Variants in CLOCK observed in about 807,000 individuals in gnomAD.
CLOCK encodes the protein clock circadian regulator, also known as circadian locomoter output cycles protein kaput.
In CLOCK, 43 loss-of-function variants were observed where a neutral mutation model predicts 118.4. That is an observed-to-expected ratio of 0.36 (90% CI 0.28 to 0.47). The LOEUF is 0.47. Among genes scored for constraint, CLOCK ranks in the 20% least tolerant of loss-of-function variants. CLOCK has a pLI of 1.00. For synonymous variants in CLOCK, 326 were observed against 339.2 expected (o/e 0.96, Z 0.43); for missense variants, 846 against 999.9 (o/e 0.85, Z 2.08).
intron 9 of CLOCK, among the ~76,000 whole-genome samples, chr4:55,462,648 G>T (rs1725428034): frequency 6.6e-6 from 1 of 152,112 alleles, no homozygotes; most frequent in African/African-American, 2.4e-5. Context: ...TCCATCCATG[G>T]CTTCAAATAC....
intron 17 of CLOCK, 97 bp downstream of exon 17, chr4:55,449,299 A>G: frequency 2.7e-6 from 3 of 1,123,688 alleles, no homozygotes; most frequent in Non-Finnish European, 4.1e-6. Flanking sequence ...TGATCTTTAC[A>G]AAGAGGGGTG....
rs1189133260 is a variant in CLOCK at position 55,520,325 on chromosome 4, C to A, written c.-289-10260G>T. ...AACCTTGACTTCTATGAGCCTCACT[C>A]CCATTAATTACAGATGAAAGCTTTA... On this transcript the variant is annotated intron_variant, in intron 1 of 22. Coordinates refer to ENST00000513440, the MANE Select transcript of CLOCK (RefSeq NM_004898.4). Among the ~76,000 whole-genome samples the A allele has an allele frequency of 2.0e-5, 3 of 152,190 alleles. No homozygotes were observed. In the East Asian group the frequency reaches 5.8e-4, roughly 29 times the overall value.
intron 1 of CLOCK, among the ~76,000 whole-genome samples, chr4:55,542,100 G>C (rs770140505): frequency 5.9e-5 from 9 of 151,796 alleles, no homozygotes; most frequent in Non-Finnish European, 8.8e-5. Flanking sequence ...CAGCACTTTG[G>C]GAGGCCGAGG....
In CLOCK at chr4:55,485,530, C is replaced by T. The variant is rs543558374; in HGVS notation, c.-43-2702G>A. Among the ~76,000 whole-genome samples the T allele has an allele frequency of 2.0e-5, 3 of 152,268 alleles. No homozygotes were observed. In the East Asian group the frequency reaches 5.8e-4, roughly 29 times the overall value. On this transcript the variant is annotated intron_variant, in intron 3 of 22. Transcript: ENST00000513440. ...CAGAAAGAGACTAGCTAGAGTCACA[C>T]TTGTCCATGCTGTGGAGTCTAAGGA... is the stretch of plus-strand genomic sequence containing the variant.
chr4:55,452,941 T>A, intron 15 of CLOCK, 113 bp downstream of exon 15: 1 of 770,748 alleles, frequency 1.3e-6, no homozygotes, highest in East Asian at 2.8e-5. Context: ...ACATCCCCGT[T>A]ATAAGTGAGG....
rs181746219 is a variant in CLOCK, at chr4:55,436,670, G to C, written c.2362-1076C>G. ...TTAAAGACTACTACACTTTGTCAAG[G>C]ATCTTCAGAGTTTTCTTTCTCTCTT... On this transcript the variant is annotated intron_variant, in intron 22 of 22. Coordinates refer to ENST00000513440, the MANE Select transcript of CLOCK (RefSeq NM_004898.4). Among the ~76,000 whole-genome samples, 115 of 152,074 alleles carry C rather than the reference G, an allele frequency of 7.6e-4. 1 individual carries two copies. The East Asian group carries it at 0.02, about 27-fold the overall frequency.
chr4:55,493,703 A>C (rs1727869189), intron 2 of CLOCK, among the ~76,000 whole-genome samples: 1 of 152,214 alleles, frequency 6.6e-6, no homozygotes, highest in Admixed American at 6.5e-5. Flanking sequence ...CCACCTCTAC[A>C]ACCGATATAA....
chr4:55,461,320 A>T (rs11133386), intron 9 of CLOCK, among the ~76,000 whole-genome samples: 51,325 of 151,604 alleles, frequency 0.34, 9,366 homozygotes, highest in East Asian at 0.58. Flanking sequence ...GATTTTTTTT[A>T]ATCTCCCAAA....
chr4:55,519,105 G>A (rs960739444), intron 1 of CLOCK, among the ~76,000 whole-genome samples: 13 of 152,064 alleles, frequency 8.5e-5, no homozygotes, highest in Non-Finnish European at 1.6e-4. Context: ...AGGCTGGAGT[G>A]CAATGGAGCA....
At chr4:55,534,869 T>C (rs1730784189) in intron 1 of CLOCK, among the ~76,000 whole-genome samples, 1 of 152,032 alleles carries the variant, frequency 6.6e-6, no homozygotes, top group Non-Finnish European at 1.5e-5. Context: ...TTTAAATTAA[T>C]CTATAGAGTA....
At chr4:55,457,320 T>A (rs1724990398) in intron 11 of CLOCK, among the ~76,000 whole-genome samples, 1 of 152,236 alleles carries the variant, frequency 6.6e-6, no homozygotes, top group Non-Finnish European at 1.5e-5. Flanking sequence ...CTTTCATTTT[T>A]ACCTTTCATC....
In CLOCK at chr4:55,474,572, G is replaced by A. The variant is rs541707475; in HGVS notation, c.348+1391C>T. 3.9e-5 allele frequency among the ~76,000 whole-genome samples: 6 copies of A among 152,292 alleles called. No homozygotes were observed. In the East Asian group the frequency reaches 9.7e-4, roughly 25 times the overall value. On this transcript the variant is annotated intron_variant, in intron 7 of 22. Coordinates refer to ENST00000513440, the MANE Select transcript of CLOCK (RefSeq NM_004898.4). ...CATCTAGAACTTTCGTAGTTAGAAA[G>A]GAGAAGCCAAAGCTGGCTTCAAAGC...
chr4:55,443,720 T>C lies in CLOCK; in HGVS notation c.1869A>G (p.Ile623Met). 1 of 1,614,160 alleles carries C rather than the reference T, an allele frequency of 6.2e-7. No individual in the cohort carries two copies. The highest frequency in any genetic ancestry group is 8.5e-7 in the Non-Finnish European group (1 of 1,179,992). The change falls in exon 20 of 23, where the codon ATA becomes ATG. Residue 623 changes from isoleucine to methionine, a missense_variant. Transcript: ENST00000513440. ...ATGTACTCTGTAAAGTCTGTTGTTG[T>C]ATCATGTGCTGAGTTGTGCCAATGT... is the stretch of plus-strand genomic sequence containing the variant. ...TGHIGTTQHM[I>M]QQQTLQSTST...
Position 55,429,405 on chromosome 4 carries a change from GAAGGATCCTCA to G in CLOCK, c.*5999_*6009del, listed in dbSNP as rs1292794578. The G allele has an allele frequency of 2.6e-5, 4 of 152,144 alleles. No homozygotes were observed. Among genetic ancestry groups the G allele is most frequent in the South Asian group, 4.1e-4 (2 of 4,822 alleles). The allele number at this position is 152,144 out of a possible 1,614,324, so 9.4% of individuals were successfully genotyped here. On this transcript the variant is annotated 3_prime_UTR_variant, in exon 23 of 23. Coordinates refer to ENST00000513440, the MANE Select transcript of CLOCK (RefSeq NM_004898.4). ...ATTCTGTTCCAATGCTTGTGAGCAA[GAAGGATCCTCA>G]AATGTCTAGGTTTCCAATATTCCAA...
intron 3 of CLOCK, chr4:55,486,573 A>C (rs1727309972): frequency 6.6e-6 from 1 of 151,688 alleles, no homozygotes; most frequent in Admixed American, 6.6e-5. Context: ...CATGACAGGT[A>C]AATTTTTTAA....
rs140059331 is a variant in CLOCK, at chr4:55,444,954, T to C, written c.1540-169A>G. On this transcript the variant is annotated intron_variant, in intron 18 of 22. Transcript: ENST00000513440. Reference sequence around the variant, plus strand: ...CCCATCTTTGCTCTGCTTTGTAATATTGGACCTGGACCTTCAAAATATTTC... The same window carrying C: ...CCCATCTTTGCTCTGCTTTGTAATACTGGACCTGGACCTTCAAAATATTTC... 1.1e-3 allele frequency among the ~76,000 whole-genome samples: 172 copies of C among 152,312 alleles called. 2 individuals carry two copies. In the East Asian group the frequency reaches 0.022, roughly 19 times the overall value.
At chr4:55,507,439 C>A (rs1014432029) in intron 2 of CLOCK, among the ~76,000 whole-genome samples, 1 of 151,648 alleles carries the variant, frequency 6.6e-6, no homozygotes, top group Non-Finnish European at 1.5e-5. Context: ...ATGGCAAAAC[C>A]CCATCTCTAC....
At chr4:55,544,528 G>A (rs1184345436) in intron 1 of CLOCK, among the ~76,000 whole-genome samples, 2 of 152,100 alleles carry the variant, frequency 1.3e-5, no homozygotes, top group East Asian at 1.9e-4. Flanking sequence ...TGTGACCTCT[G>A]CAATCTTAAA....
At chr4:55,447,539 C>A (rs1014647927) in intron 18 of CLOCK, among the ~76,000 whole-genome samples, 2 of 152,014 alleles carry the variant, frequency 1.3e-5, no homozygotes, top group African/African-American at 4.8e-5. Flanking sequence ...GGAAGTAAAA[C>A]CACAGACCTA....
Sources: allele counts gnomAD v4.1 joint callset (sites outside exome capture counted in the v4.1 genomes callset), GRCh38; gene constraint gnomAD v4.1.1; transcripts MANE v1.5; gene names NCBI Gene and HGNC (gene_info 2026-07-23, HGNC 2026-07-21).